The following MAP3K10 variants were observed in gnomAD, a reference collection of about 807,000 sequenced individuals.
MAP3K10 encodes the protein mitogen-activated protein kinase kinase kinase 10.
A neutral mutation model predicts 75.0 loss-of-function variants in MAP3K10; 22 were observed. That is an observed-to-expected ratio of 0.29 (90% CI 0.21 to 0.42). The LOEUF (loss-of-function observed/expected upper bound fraction) is 0.42, where lower values mean the gene tolerates loss of function less well. Ranked by LOEUF, MAP3K10 falls within the 10% of genes least tolerant of loss-of-function variation. The probability of loss-of-function intolerance (pLI) is 1.00; values close to 1 mark genes in which losing one functional copy is unlikely to be tolerated. For missense variants in MAP3K10, 1,165 were observed against 1,379.8 expected (o/e 0.84, Z 2.47); for synonymous variants, 599 against 612.9 (o/e 0.98, Z 0.34).
intron 2 of MAP3K10, among the ~76,000 whole-genome samples, chr19:40,199,228 T>G (rs111505172): frequency 3.3e-5 from 5 of 152,298 alleles, no homozygotes; most frequent in Admixed American, 1.3e-4. Flanking sequence ...TCTAGGGATA[T>G]AGCAGAGAAG....
intron 1 of MAP3K10, among the ~76,000 whole-genome samples, chr19:40,197,331 T>G (rs967956047): frequency 2.3e-4 from 35 of 152,206 alleles, no homozygotes; most frequent in African/African-American, 8.4e-4. Context: ...TTGTTTTTGT[T>G]TTTGTTTTCT....
chr19:40,210,454 A>G (rs563868788), intron 6 of MAP3K10, among the ~76,000 whole-genome samples: 9 of 152,280 alleles, frequency 5.9e-5, no homozygotes, highest in Non-Finnish European at 1.3e-4. Context: ...TAATCCCAAC[A>G]CTTTGGGAGA....
At chr19:40,214,278 A>G (rs907766184) in intron 9 of MAP3K10, 57 bp downstream of exon 9, 7 of 1,360,524 alleles carry the variant, frequency 5.1e-6, no homozygotes, top group Non-Finnish European at 5.6e-6. Context: ...CTCCTCTGCC[A>G]GGGTCGCAAG....
chr19:40,193,674 GA>G (rs556451885), intron 1 of MAP3K10, among the ~76,000 whole-genome samples: 4 of 150,316 alleles, frequency 2.7e-5, no homozygotes, highest in Admixed American at 6.6e-5. Context: ...GATACAGCAA[GA>G]AAAAAAAAAT....
rs1196129385 is a variant in MAP3K10 at position 40,205,613 on chromosome 19, T to C, written c.1189-298T>C. On this transcript the variant is annotated intron_variant, in intron 4 of 9. Transcript: ENST00000253055. The surrounding 1 kb of genome is among the most constrained non-coding windows in gnomAD (Gnocchi z 4.3). ...CGCAAAGCATAGGTAATTGTTGAAA[T>C]TGGATGATGGGTACAGGGGGGTGCA... The C allele has an allele frequency of 1.9e-5, 10 of 532,240 alleles. No individual in the cohort carries two copies. Among genetic ancestry groups the C allele is most frequent in the South Asian group, 6.1e-5 (2 of 32,838 alleles). The allele number at this position is 532,240 out of a possible 1,614,324, so 33.0% of individuals were successfully genotyped here. A position where few individuals can be genotyped will look rare whatever the true frequency, so the allele number is the denominator to read the frequency against.
rs949680548 is a variant in MAP3K10, at chr19:40,213,935, G to A, written c.2256G>A (p.Val752=). 2.6e-6 allele frequency: 4 copies of A among 1,529,752 alleles called. No individual in the cohort carries two copies. The African/African-American group carries it at 4.3e-5, about 16-fold the overall frequency. The allele number at this position is 1,529,752 out of a possible 1,614,324, so 94.8% of individuals were successfully genotyped here. A position where few individuals can be genotyped will look rare whatever the true frequency, so the allele number is the denominator to read the frequency against. Residue 752 remains valine (V), a synonymous_variant, in exon 9 of 10, where the codon GTG becomes GTA. Coordinates refer to ENST00000253055, the MANE Select transcript of MAP3K10 (RefSeq NM_002446.4). This position sits in a 1 kb window ranked among gnomAD's most constrained non-coding sequence, Gnocchi z 5.7. ...CCACCCTCGTGTCGCTGTCGTCCGT[G>A]TCCGACTGCAACTCCACGCGTTCAC... The part of the protein sequence containing the change: ...PSATLVSLSS[V]SDCNSTRSLL...
chr19:40,200,442 A>G (rs989069486), intron 2 of MAP3K10, among the ~76,000 whole-genome samples: 3 of 151,990 alleles, frequency 2.0e-5, no homozygotes, highest in African/African-American at 7.3e-5. Flanking sequence ...GGGTCTCCCC[A>G]TTTACTGTTC....
Position 40,212,122 on chromosome 19 carries a change from G to A in MAP3K10, c.1553-683G>A, listed in dbSNP as rs143856151. Among the ~76,000 whole-genome samples the A allele has an allele frequency of 1.3e-5, 2 of 152,344 alleles. No individual in the cohort carries two copies. Among genetic ancestry groups the A allele is most frequent in the African/African-American group, 2.4e-5 (1 of 41,590 alleles). Reference sequence around the variant, plus strand: ...ATTGACCTTTTTCCCTCTGGCTGCTGTAAGAAATAAAGGTGGAGAAAGCAG... The same window carrying A: ...ATTGACCTTTTTCCCTCTGGCTGCTATAAGAAATAAAGGTGGAGAAAGCAG... On this transcript the variant is annotated intron_variant, in intron 6 of 9. Transcript: ENST00000253055. The surrounding 1 kb of genome is among the most constrained non-coding windows in gnomAD (Gnocchi z 4.2).
chr19:40,205,115 C>G lies in MAP3K10; in HGVS notation c.1013-6C>G. On this transcript the variant is annotated splice_polypyrimidine_tract_variant and splice_region_variant and intron_variant, in intron 3 of 9. Transcript: ENST00000253055. This position sits in a 1 kb window ranked among gnomAD's most constrained non-coding sequence, Gnocchi z 4.3. Reference sequence around the variant, plus strand: ...CCCACCACTGTCCTTCCTCCTCCCACCCCAGAATGCTGGGACCCAGACCCC... The same window carrying G: ...CCCACCACTGTCCTTCCTCCTCCCAGCCCAGAATGCTGGGACCCAGACCCC... The G allele has an allele frequency of 6.2e-7, 1 of 1,612,484 alleles. No homozygotes were observed. The highest frequency in any genetic ancestry group is 8.5e-7 in the Non-Finnish European group (1 of 1,179,824).
chr19:40,205,429 T>G lies in MAP3K10; in HGVS notation c.1188+133T>G. On this transcript the variant is annotated intron_variant, in intron 4 of 9. Transcript: ENST00000253055. The surrounding 1 kb of genome is among the most constrained non-coding windows in gnomAD (Gnocchi z 4.3). The stretch of plus-strand genomic sequence containing the variant: ...GGGTCAAGGGAGCCTTTTTTGCATA[T>G]TAAGAAAAGACAGCCTCCTGTTGGT... The G allele has an allele frequency of 1.2e-6, 1 of 869,076 alleles. No individual in the cohort carries two copies. The highest frequency in any genetic ancestry group is 2.7e-5 in the East Asian group (1 of 37,518). The allele number at this position is 869,076 out of a possible 1,614,324, so 53.8% of individuals were successfully genotyped here. A position where few individuals can be genotyped will look rare whatever the true frequency, so the allele number is the denominator to read the frequency against.
At chr19:40,196,550 G>A (rs1018991686) in intron 1 of MAP3K10, among the ~76,000 whole-genome samples, 1 of 152,036 alleles carries the variant, frequency 6.6e-6, no homozygotes, top group Non-Finnish European at 1.5e-5. Context: ...ATGGAGTCTC[G>A]CTCTGTCATC....
At chr19:40,199,018 G>C (rs929191636) in intron 2 of MAP3K10, among the ~76,000 whole-genome samples, 12 of 152,196 alleles carry the variant, frequency 7.9e-5, no homozygotes, top group African/African-American at 2.9e-4. Flanking sequence ...CAGTGGGCTG[G>C]GATTGGCCAC....
intron 2 of MAP3K10, among the ~76,000 whole-genome samples, chr19:40,201,794 C>CTTT (rs757199734): frequency 5.7e-5 from 7 of 123,396 alleles, no homozygotes; most frequent in African/African-American, 1.5e-4. Context: ...CACACGCCAG[C>CTTT]TTTTTTTTTT....
intron 6 of MAP3K10, among the ~76,000 whole-genome samples, chr19:40,209,710 G>A (rs536774010): frequency 9.9e-5 from 15 of 152,142 alleles, no homozygotes; most frequent in African/African-American, 2.4e-4. Flanking sequence ...CACCGCGCCC[G>A]GGCGCAGGAT....
In MAP3K10 at chr19:40,191,936, A is replaced by C; in HGVS notation, c.-96A>C. On this transcript the variant is annotated 5_prime_UTR_variant, in exon 1 of 10. Coordinates refer to ENST00000253055, the MANE Select transcript of MAP3K10 (RefSeq NM_002446.4). ...CCCTCAGGAGCTCCCTAGACCCCGC[A>C]GGGACTGCCCTCCATCCCGGCCGCC... 1.4e-5 allele frequency: 11 copies of C among 785,524 alleles called. No homozygotes were observed. The highest frequency in any genetic ancestry group is 2.1e-5 in the Non-Finnish European group (11 of 533,090). The allele number at this position is 785,524 out of a possible 1,614,324, so 48.7% of individuals were successfully genotyped here. A position where few individuals can be genotyped will look rare whatever the true frequency, so the allele number is the denominator to read the frequency against.
rs1430607632 is a variant in MAP3K10 at position 40,215,227 on chromosome 19, A to C, written c.2800A>C (p.Met934Leu). ...CAGCGTGCAGCCCACACTGCTGGAC[A>C]TGGACATGGAGGGGCAGAACCAAGA... is the stretch of plus-strand genomic sequence containing the variant. ...PPSVQPTLLDMDMEGQNQDST... is the reference protein window; with the variant it reads ...PPSVQPTLLDLDMEGQNQDST... Residue 934 changes from methionine to leucine, a missense_variant, in exon 10 of 10, where the codon ATG (methionine) becomes CTG (leucine). Transcript: ENST00000253055. 1.3e-6 allele frequency: 2 copies of C among 1,565,046 alleles called. No homozygotes were observed. The highest frequency in any genetic ancestry group is 1.2e-5 in the South Asian group (1 of 85,502).
Position 40,205,796 on chromosome 19 carries a change from CCCCACAGCA to C in MAP3K10, c.1189-114_1189-106del. On this transcript the variant is annotated intron_variant, in intron 4 of 9. Coordinates refer to ENST00000253055, the MANE Select transcript of MAP3K10 (RefSeq NM_002446.4). The surrounding 1 kb of genome is among the most constrained non-coding windows in gnomAD (Gnocchi z 4.3). ...TGAGTCGGGTGGTGAAACCAGTGTA[CCCCACAGCA>C]AGGTACCCTTGTGTGAGGCACCAAC... is the stretch of plus-strand genomic sequence containing the variant. 13 of 1,185,822 alleles carry C rather than the reference CCCCACAGCA, an allele frequency of 1.1e-5. No individual in the cohort carries two copies. Among genetic ancestry groups the C allele is most frequent in the Non-Finnish European group, 1.5e-5 (13 of 879,214 alleles). The allele number at this position is 1,185,822 out of a possible 1,614,324, so 73.5% of individuals were successfully genotyped here. A position where few individuals can be genotyped will look rare whatever the true frequency, so the allele number is the denominator to read the frequency against.
chr19:40,196,987 C>T (rs1223152061), intron 1 of MAP3K10, among the ~76,000 whole-genome samples: 5 of 152,162 alleles, frequency 3.3e-5, no homozygotes, highest in Non-Finnish European at 5.9e-5. Context: ...TTAGGGAATA[C>T]TTCAGTCAGA....
chr19:40,211,306 G>A (rs1973233743), intron 6 of MAP3K10, among the ~76,000 whole-genome samples: 2 of 140,198 alleles, frequency 1.4e-5, no homozygotes, highest in Admixed American at 7.7e-5. Context: ...TAAGAGTCTG[G>A]ATTTTCCTTT....
Sources: gnomAD v4.1 joint callset for allele counts (sites outside exome capture counted in the v4.1 genomes callset) on GRCh38, gnomAD v4.1.1 for gene constraint, Gnocchi (gnomAD v3.1) non-coding constraint, MANE v1.5 for transcripts, NCBI Gene and HGNC (gene_info 2026-07-23, HGNC 2026-07-21) for gene names.